DCDC1: variants seen among roughly 807,000 people sequenced by gnomAD.
DCDC1 encodes doublecortin domain-containing protein 1.
A neutral mutation model predicts 178.3 loss-of-function variants in DCDC1; 200 were observed. The ratio of observed to expected loss-of-function variants is 1.12; its 90% CI spans 1.00 to 1.26. The LOEUF is 1.26. Among genes scored for constraint, DCDC1 ranks in the 50% most tolerant of loss-of-function variants. DCDC1 has a pLI of 0.00. For synonymous variants in DCDC1, 690 were observed against 604.8 expected (o/e 1.14, Z -2.07); for missense variants, 1,983 against 1,749.2 (o/e 1.13, Z -2.38).
At chr11:31,118,675 G>C (rs1321762056) in intron 11 of DCDC1, among the ~76,000 whole-genome samples, 1 of 152,214 alleles carries the variant, frequency 6.6e-6, no homozygotes, top group Non-Finnish European at 1.5e-5. Flanking sequence ...GTGTGTGCCT[G>C]CAACAGTAAG....
intron 11 of DCDC1, among the ~76,000 whole-genome samples, chr11:31,119,046 A>G (rs1960401843): frequency 6.6e-6 from 1 of 152,154 alleles, no homozygotes. Context: ...GAGTGGGGCA[A>G]TGAGGACAGG....
intron 3 of DCDC1, among the ~76,000 whole-genome samples, chr11:31,314,217 G>A (rs1240187805): frequency 6.6e-6 from 1 of 151,970 alleles, no homozygotes; most frequent in Non-Finnish European, 1.5e-5. Context: ...TTAATCTTTT[G>A]CCATGATATA....
At chr11:30,970,049 G>A (rs1456026300) in intron 20 of DCDC1, among the ~76,000 whole-genome samples, 1 of 152,170 alleles carries the variant, frequency 6.6e-6, no homozygotes. Context: ...AGGAAGGAGG[G>A]AAATGAGGCA....
chr11:31,127,136 T>G (rs970778683), intron 11 of DCDC1, among the ~76,000 whole-genome samples: 10 of 152,190 alleles, frequency 6.6e-5, no homozygotes, highest in African/African-American at 1.7e-4. Flanking sequence ...CCAAATGTTA[T>G]TTTTAGAAAC....
chr11:31,032,784 T>C (rs1953743888), intron 20 of DCDC1, among the ~76,000 whole-genome samples: 1 of 152,224 alleles, frequency 6.6e-6, no homozygotes, highest in Admixed American at 6.5e-5. Flanking sequence ...TTTCTTATTT[T>C]AATTAGTTCA....
rs918992837 is a variant in DCDC1, at chr11:30,864,070, T to A, written c.*1303A>T. 1 of 151,982 alleles carries A rather than the reference T, an allele frequency of 6.6e-6. No homozygotes were observed. The highest frequency in any genetic ancestry group is 1.5e-5 in the Non-Finnish European group (1 of 68,020). The allele number at this position is 151,982 out of a possible 1,614,324, so 9.4% of individuals were successfully genotyped here. ...TGAACCTGGGAAGGGGAGCTTGTAGTGAGCTGAGATCGCGCCACTGAACTC... is the reference window on the plus strand; with the variant it reads ...TGAACCTGGGAAGGGGAGCTTGTAGAGAGCTGAGATCGCGCCACTGAACTC... On this transcript the variant is annotated 3_prime_UTR_variant, in exon 39 of 39. Transcript: ENST00000684477.
intron 9 of DCDC1, among the ~76,000 whole-genome samples, chr11:31,233,982 T>C (rs1418841310): frequency 1.3e-5 from 2 of 152,194 alleles, no homozygotes; most frequent in Non-Finnish European, 2.9e-5. Flanking sequence ...TAGTGTATTG[T>C]GCTGTACAGT....
intron 9 of DCDC1, among the ~76,000 whole-genome samples, chr11:31,160,562 C>G (rs1966225346): frequency 6.6e-6 from 1 of 152,002 alleles, no homozygotes. Context: ...AAAGAGTACT[C>G]CTGATTTTCT....
rs1458368075 is a variant in DCDC1 at position 31,230,621 on chromosome 11, C to T, written c.1221+10829G>A. Reference sequence around the variant, plus strand: ...TCAGACACCATCTGTCTCAAAGGACCACCTTTCTCTCCCTTGAACCATGAT... The same window carrying T: ...TCAGACACCATCTGTCTCAAAGGACTACCTTTCTCTCCCTTGAACCATGAT... On this transcript the variant is annotated intron_variant, in intron 9 of 38. Transcript: ENST00000684477. 5.3e-5 allele frequency among the ~76,000 whole-genome samples: 8 copies of T among 152,228 alleles called. No homozygotes were observed. The East Asian group carries it at 1.5e-3, about 29-fold the overall frequency.
intron 9 of DCDC1, among the ~76,000 whole-genome samples, chr11:31,193,431 A>G (rs1970350096): frequency 6.6e-6 from 1 of 151,986 alleles, no homozygotes; most frequent in African/African-American, 2.4e-5. Context: ...AGTATTTCAT[A>G]TCTTGGGTTT....
intron 8 of DCDC1, among the ~76,000 whole-genome samples, chr11:31,253,005 T>A (rs990929494): frequency 3.9e-5 from 6 of 152,084 alleles, no homozygotes; most frequent in Non-Finnish European, 8.8e-5. Context: ...TGAAAAAAAA[T>A]AGTCATTATC....
At chr11:31,217,501 T>C (rs185403944) in intron 9 of DCDC1, among the ~76,000 whole-genome samples, 33 of 152,200 alleles carry the variant, frequency 2.2e-4, no homozygotes, top group African/African-American at 7.7e-4. Flanking sequence ...ATATTATCCA[T>C]CTATAAGTTA....
At chr11:30,937,611 C>A (rs1947355395) in intron 21 of DCDC1, among the ~76,000 whole-genome samples, 1 of 152,110 alleles carries the variant, frequency 6.6e-6, no homozygotes, top group South Asian at 2.1e-4. Flanking sequence ...CTACCTATTC[C>A]ACAGTGGAAA....
chr11:31,011,444 G>A (rs1952160421), intron 20 of DCDC1, among the ~76,000 whole-genome samples: 1 of 152,076 alleles, frequency 6.6e-6, no homozygotes, highest in Non-Finnish European at 1.5e-5. Flanking sequence ...AATAGAAAAT[G>A]GGTAAAAGAT....
At chr11:31,172,905 G>A (rs1367662587) in intron 9 of DCDC1, among the ~76,000 whole-genome samples, 1 of 152,116 alleles carries the variant, frequency 6.6e-6, no homozygotes, top group Non-Finnish European at 1.5e-5. Context: ...ATCGACTGTA[G>A]TTATAAGAAG....
intron 20 of DCDC1, among the ~76,000 whole-genome samples, chr11:30,967,261 T>C (rs1335897790): frequency 6.8e-6 from 1 of 146,120 alleles, no homozygotes; most frequent in East Asian, 2.0e-4. Context: ...CATTTGTTTG[T>C]GTCCTCTTTT....
chr11:30,934,550 G>T (rs1253767499), intron 21 of DCDC1, among the ~76,000 whole-genome samples: 6 of 152,250 alleles, frequency 3.9e-5, no homozygotes, highest in Non-Finnish European at 5.9e-5. Context: ...GCCTAGAGAG[G>T]CAAGAGGAGT....
chr11:31,169,888 G>T (rs1482487614), intron 9 of DCDC1, among the ~76,000 whole-genome samples: 1 of 152,132 alleles, frequency 6.6e-6, no homozygotes, highest in African/African-American at 2.4e-5. Flanking sequence ...AGATTTTGGG[G>T]GTAAGGAGCA....
chr11:31,186,462 G>A (rs1313410045), intron 9 of DCDC1, among the ~76,000 whole-genome samples: 1 of 152,106 alleles, frequency 6.6e-6, no homozygotes, highest in Non-Finnish European at 1.5e-5. Flanking sequence ...AGACCCATGA[G>A]GCCTACCTAC....
Sources: allele counts gnomAD v4.1 joint callset (sites outside exome capture counted in the v4.1 genomes callset), GRCh38; gene constraint gnomAD v4.1.1; transcripts MANE v1.5; gene names NCBI Gene and HGNC (gene_info 2026-07-23, HGNC 2026-07-21).